Variants in ACLY observed in about 807,000 individuals in gnomAD.
ACLY encodes ATP citrate lyase, also known as ATP-citrate synthase.
In ACLY, 41 loss-of-function variants were observed where a neutral mutation model predicts 133.0. That is an observed-to-expected ratio of 0.31 (90% confidence interval 0.24 to 0.40). The LOEUF is 0.40. Among genes scored for constraint, ACLY ranks in the 10% least tolerant of loss-of-function variants. The pLI is 1.00. For missense variants in ACLY, 1,046 were observed against 1,453.8 expected, an observed-to-expected ratio of 0.72 and a Z score of 4.56; for synonymous variants, 495 against 549.3, an observed-to-expected ratio of 0.90 and a Z score of 1.38.
At chr17:41,879,647 CAAAAAAAAAAAAAAAAAAAAAAAA>C (rs558056100) in intron 20 of ACLY, among the ~76,000 whole-genome samples, 9 of 34,228 alleles carry the variant, frequency 2.6e-4, no homozygotes, top group African/African-American at 4.4e-4. Context: ...GACTCCGTCT[CAAAAAAAAAAAAAAAAAAAAAAAA>C]AAAAAAAAAA....
At position 41,884,765 on chromosome 17, in the gene ACLY, C is replaced by T. The variant is rs971380360; in HGVS notation, c.2073-491G>A. On this transcript the variant is annotated intron_variant, in intron 18 of 28. Coordinates refer to ENST00000352035, the MANE Select transcript of ACLY (RefSeq NM_001096.3). ...CCAGGTGTGGTCGTGGGCGCCTGTA[C>T]AGTCCTAGCTACTCAGGTGGCTGAG... 8.0e-4 allele frequency among the ~76,000 whole-genome samples: 122 copies of T among 152,280 alleles called. 2 individuals carry two copies. The highest frequency in any genetic ancestry group is 7.3e-3 in the Admixed American group (111 of 15,296).
At chr17:41,908,602 T>A (rs951457775) in intron 6 of ACLY, among the ~76,000 whole-genome samples, 1 of 152,034 alleles carries the variant, frequency 6.6e-6, no homozygotes, top group East Asian at 1.9e-4. Flanking sequence ...CCGTCTCTAC[T>A]AAAAATAAAA....
At chr17:41,919,145 T>C (rs1168642713), upstream of ACLY, 4 of 1,060,058 alleles carry the variant, frequency 3.8e-6, no homozygotes, top group Admixed American at 4.0e-5. Context: ...CTGGGACTTG[T>C]AGTCCCGCTG....
At chr17:41,884,413 C>A in intron 18 of ACLY, 139 bp from the exon 19 acceptor site, 3 of 604,522 alleles carry the variant, frequency 5.0e-6, no homozygotes, top group Non-Finnish European at 9.0e-6. Flanking sequence ...CAGAGATGCC[C>A]CAGCAATAAT....
intron 1 of ACLY, among the ~76,000 whole-genome samples, chr17:41,929,193 CAA>C (rs1555636330): frequency 6.6e-6 from 1 of 151,634 alleles, no homozygotes; most frequent in Non-Finnish European, 1.5e-5. Flanking sequence ...CTCCCACGCT[CAA>C]GTGATCCTCC....
chr17:41,875,361 A>G (rs575791496), intron 22 of ACLY, among the ~76,000 whole-genome samples: 1 of 150,572 alleles, frequency 6.6e-6, no homozygotes, highest in Non-Finnish European at 1.5e-5. Context: ...AAAAAAAAAA[A>G]AAAAGGGGGG....
Position 41,873,755 on chromosome 17 carries a change from GA to G in ACLY, c.2642+55del, listed in dbSNP as rs1185202357. The G allele has an allele frequency of 8.8e-6, 13 of 1,473,300 alleles. No individual in the cohort carries two copies. The African/African-American group carries it at 1.7e-4, about 19-fold the overall frequency. 91.3% of individuals were successfully genotyped at this position (1,473,300 alleles called of 1,614,324 possible). On this transcript the variant is annotated intron_variant, in intron 23 of 28. Coordinates refer to ENST00000352035, the MANE Select transcript of ACLY (RefSeq NM_001096.3). ...GTCCACTCCCACCCCTTTGTTGGGG[GA>G]AAATCATTAACTCTGAGCTGCAGGG...
In ACLY at chr17:41,892,305, T is replaced by C; in HGVS notation, c.1744A>G (p.Thr582Ala). Residue 582 changes from threonine to alanine, a missense_variant, in exon 16 of 29, where the codon ACC becomes GCC. Physicochemically the swap from Thr to Ala is moderately conservative, Grantham distance 58. Transcript: ENST00000352035. ...TGGGCATAGTTCATGGTCTCCATGGTGCTGTCATAGGCAGAGCGGAGAGAG... is the reference window on the plus strand; with the variant it reads ...TGGGCATAGTTCATGGTCTCCATGGCGCTGTCATAGGCAGAGCGGAGAGAG... The part of the protein sequence containing the change: ...FASLRSAYDS[T>A]METMNYAQIR... The C allele has an allele frequency of 6.6e-7, 1 of 1,508,896 alleles. No homozygotes were observed. Among genetic ancestry groups the C allele is most frequent in the Non-Finnish European group, 8.9e-7 (1 of 1,120,854 alleles). The allele number at this position is 1,508,896 out of a possible 1,614,324, so 93.5% of individuals were successfully genotyped here. A position where few individuals can be genotyped will look rare whatever the true frequency, so the allele number is the denominator to read the frequency against.
At chr17:41,914,581 T>C (rs2049999545) in intron 1 of ACLY, among the ~76,000 whole-genome samples, 2 of 152,138 alleles carry the variant, frequency 1.3e-5, no homozygotes, top group Admixed American at 1.3e-4. Context: ...AGCCTCCCAA[T>C]CCTGAGTATG....
chr17:41,888,102 TG>T (rs1179226075), intron 16 of ACLY, among the ~76,000 whole-genome samples: 1 of 152,150 alleles, frequency 6.6e-6, no homozygotes. Flanking sequence ...CACTCCAGCC[TG>T]GGTGACAGAG....
chr17:41,907,183 T>C (rs186032847), intron 7 of ACLY, among the ~76,000 whole-genome samples: 28 of 152,220 alleles, frequency 1.8e-4, no homozygotes, highest in African/African-American at 6.5e-4. Context: ...CTTGGAATCA[T>C]GGAGAGGCAA....
chr17:41,913,645 C>G (rs573900721), intron 2 of ACLY, 70 bp downstream of exon 2: 1 of 1,545,720 alleles, frequency 6.5e-7, no homozygotes, highest in African/African-American at 1.4e-5. Context: ...GCATCACCAA[C>G]AAACCAATGG....
intron 22 of ACLY, among the ~76,000 whole-genome samples, chr17:41,874,336 T>C (rs1206313502): frequency 4.0e-5 from 6 of 151,632 alleles, no homozygotes; most frequent in East Asian, 1.9e-4. Flanking sequence ...GGTGAGACCA[T>C]AGCTCACTTC....
upstream of ACLY, among the ~76,000 whole-genome samples, chr17:41,920,488 G>A (rs1358164395): frequency 6.6e-6 from 1 of 151,590 alleles, no homozygotes; most frequent in Non-Finnish European, 1.5e-5. Context: ...CTACTCTTGA[G>A]GTTGAGGCAT....
intron 16 of ACLY, among the ~76,000 whole-genome samples, chr17:41,888,832 C>A (rs2049123611): frequency 6.6e-6 from 1 of 151,898 alleles, no homozygotes; most frequent in Admixed American, 6.6e-5. Flanking sequence ...CAAACAAAAA[C>A]CCCTGGCTGT....
At chr17:41,901,360 C>T (rs2049533835) in intron 11 of ACLY, among the ~76,000 whole-genome samples, 1 of 152,164 alleles carries the variant, frequency 6.6e-6, no homozygotes, top group African/African-American at 2.4e-5. Flanking sequence ...ACTCGGCACC[C>T]CCTGACATAG....
At chr17:41,918,190 G>C (rs1383536395) in intron 1 of ACLY, among the ~76,000 whole-genome samples, 1 of 152,210 alleles carries the variant, frequency 6.6e-6, no homozygotes, top group African/African-American at 2.4e-5. Context: ...GTCAGCTCAA[G>C]GGTGGGGTGG....
At chr17:41,873,008 C>T (rs2048637135) in intron 23 of ACLY, among the ~76,000 whole-genome samples, 1 of 152,136 alleles carries the variant, frequency 6.6e-6, no homozygotes. Flanking sequence ...TGGCCTTCTG[C>T]CCAGCATCAC....
chr17:41,916,770 T>A (rs1219159434), intron 1 of ACLY, among the ~76,000 whole-genome samples: 1 of 152,016 alleles, frequency 6.6e-6, no homozygotes, highest in African/African-American at 2.4e-5. Context: ...CAGAAAAAGG[T>A]ACACAAATCC....
Sources: gnomAD v4.1 joint callset for allele counts (sites outside exome capture counted in the v4.1 genomes callset) on GRCh38, gnomAD v4.1.1 for gene constraint, MANE v1.5 for transcripts, NCBI Gene and HGNC (gene_info 2026-07-23, HGNC 2026-07-21) for gene names.